Variants in RBFOX1 observed in about 807,000 individuals in gnomAD.
The protein encoded by RBFOX1 is RNA binding fox-1 homolog 1, also known as RNA binding protein fox-1 homolog 1.
A neutral mutation model predicts 57.7 loss-of-function variants in RBFOX1; 8 were observed. That is an observed-to-expected ratio of 0.14 (90% CI 0.08 to 0.25). The LOEUF (loss-of-function observed/expected upper bound fraction) is 0.25. RBFOX1 is among the 10% of genes least tolerant of loss of function. The probability of loss-of-function intolerance (pLI) is 1.00; values close to 1 mark genes in which losing one functional copy is unlikely to be tolerated. For missense variants in RBFOX1, 611 were observed against 548.5 expected (o/e 1.11, Z -1.14); for synonymous variants, 326 against 222.4 (o/e 1.47, Z -4.15).
In RBFOX1 at chr16:6,224,341, T is replaced by A. The variant is rs186586926; in HGVS notation, c.-126-92654T>A. The stretch of plus-strand genomic sequence containing the variant: ...TATTGATTCTTTCTAACCATGAGCA[T>A]GGAATGTTCTTCTGTTTGTATCCTT... On this transcript the variant is annotated intron_variant, in intron 1 of 15. Coordinates refer to ENST00000550418, the MANE Select transcript of RBFOX1 (RefSeq NM_018723.4). 1.5e-3 allele frequency among the ~76,000 whole-genome samples: 225 copies of A among 152,310 alleles called. 2 individuals are homozygous for A. Among genetic ancestry groups the A allele is most frequent in the Middle Eastern group, 3.4e-3 (1 of 294 alleles).
chr16:5,734,462 C>T (rs2052499409), intron 3 of RBFOX1, among the ~76,000 whole-genome samples: 2 of 152,188 alleles, frequency 1.3e-5, no homozygotes, highest in African/African-American at 2.4e-5. Flanking sequence ...AAAAACAGCA[C>T]ATGCTTTCAT....
intron 1 of RBFOX1, among the ~76,000 whole-genome samples, chr16:6,163,725 A>G (rs142648585): frequency 1.6e-3 from 244 of 152,324 alleles, no homozygotes; most frequent in African/African-American, 5.7e-3. Context: ...AGTGATTTGT[A>G]AAAATGCCAG....
chr16:7,300,393 A>T (rs1446454432), intron 4 of RBFOX1, among the ~76,000 whole-genome samples: 3 of 152,210 alleles, frequency 2.0e-5, no homozygotes, highest in African/African-American at 7.2e-5. Context: ...ACAGATAAAT[A>T]ATAAAGTTTT....
chr16:5,278,348 G>T (rs1416723427), intron 1 of RBFOX1, among the ~76,000 whole-genome samples: 2 of 152,136 alleles, frequency 1.3e-5, no homozygotes, highest in Non-Finnish European at 2.9e-5. Context: ...CTGTGCAGAA[G>T]CTCTTTCATT....
chr16:6,141,984 G>C (rs866876993), intron 1 of RBFOX1, among the ~76,000 whole-genome samples: 1 of 151,546 alleles, frequency 6.6e-6, no homozygotes, highest in African/African-American at 2.4e-5. Context: ...GTTTCAACCT[G>C]GGAGGTGGAG....
At chr16:5,297,399 C>G (rs921523585) in intron 1 of RBFOX1, among the ~76,000 whole-genome samples, 16 of 152,196 alleles carry the variant, frequency 1.1e-4, no homozygotes, top group African/African-American at 3.9e-4. Context: ...TCCTCACCAA[C>G]ACTTGTTATC....
chr16:5,772,153 C>A (rs553471090), intron 3 of RBFOX1, among the ~76,000 whole-genome samples: 1 of 152,126 alleles, frequency 6.6e-6, no homozygotes, highest in Non-Finnish European at 1.5e-5. Flanking sequence ...GCCTGGGTGA[C>A]AGAGCAAGAC....
intron 4 of RBFOX1, among the ~76,000 whole-genome samples, chr16:7,153,674 C>T (rs1051152116): frequency 6.8e-6 from 1 of 146,196 alleles, no homozygotes; most frequent in Non-Finnish European, 1.5e-5. Context: ...CGCTGGAACC[C>T]TGAAGTCGGA....
intron 4 of RBFOX1, among the ~76,000 whole-genome samples, chr16:7,466,797 TTA>T (rs2060601662): frequency 6.6e-6 from 1 of 152,204 alleles, no homozygotes; most frequent in Non-Finnish European, 1.5e-5. Context: ...GCTGCTCTGA[TTA>T]TATACACAAT....
intron 3 of RBFOX1, among the ~76,000 whole-genome samples, chr16:5,704,351 T>C (rs2051160405): frequency 6.6e-6 from 1 of 151,916 alleles, no homozygotes. Flanking sequence ...TGCTTATCTC[T>C]CAGAGAAGAG....
chr16:7,582,956 G>C (rs1016314536), intron 6 of RBFOX1, among the ~76,000 whole-genome samples: 1 of 152,018 alleles, frequency 6.6e-6, no homozygotes, highest in Non-Finnish European at 1.5e-5. Flanking sequence ...CTAATAATTC[G>C]ACCATACCAT....
chr16:5,655,213 G>T (rs2049386424), intron 3 of RBFOX1, among the ~76,000 whole-genome samples: 1 of 152,232 alleles, frequency 6.6e-6, no homozygotes, highest in Admixed American at 6.5e-5. Context: ...AGAATCTACT[G>T]TGGAAATCAG....
chr16:6,391,440 G>T (rs535370104), intron 2 of RBFOX1, among the ~76,000 whole-genome samples: 1 of 151,670 alleles, frequency 6.6e-6, no homozygotes, highest in South Asian at 2.1e-4. Flanking sequence ...AACCCGGGAG[G>T]TGGAGCTTGC....
chr16:7,065,942 C>G (rs1018749485), intron 4 of RBFOX1, among the ~76,000 whole-genome samples: 1 of 151,994 alleles, frequency 6.6e-6, no homozygotes, highest in Non-Finnish European at 1.5e-5. Flanking sequence ...TGTGTTTTTC[C>G]CCCACAGTAA....
chr16:6,639,241 G>A (rs1048716573), intron 2 of RBFOX1, among the ~76,000 whole-genome samples: 9 of 152,206 alleles, frequency 5.9e-5, no homozygotes, highest in African/African-American at 2.2e-4. Flanking sequence ...CCCATTGGAT[G>A]TCTTTCTGGA....
chr16:5,610,410 G>A (rs1417709851), intron 3 of RBFOX1: 4 of 152,260 alleles, frequency 2.6e-5, no homozygotes, highest in Non-Finnish European at 5.9e-5. Context: ...TGAGGCAAGG[G>A]AACTTCCCAA....
chr16:7,387,841 G>A (rs1420834334), intron 4 of RBFOX1, among the ~76,000 whole-genome samples: 1 of 151,870 alleles, frequency 6.6e-6, no homozygotes, highest in East Asian at 1.9e-4. Context: ...AAACGTCTCT[G>A]GAATTCTTTG....
At chr16:6,099,251 C>A (rs1292730345) in intron 1 of RBFOX1, among the ~76,000 whole-genome samples, 1 of 152,114 alleles carries the variant, frequency 6.6e-6, no homozygotes, top group South Asian at 2.1e-4. Context: ...GTGAGTTGAG[C>A]CATAAACATT....
chr16:6,140,485 T>G (rs1208453930), intron 1 of RBFOX1, among the ~76,000 whole-genome samples: 2 of 152,132 alleles, frequency 1.3e-5, no homozygotes, highest in African/African-American at 2.4e-5. Flanking sequence ...TGTGAGCCCC[T>G]GTGCCCAGCC....
Sources: allele counts gnomAD v4.1 joint callset (sites outside exome capture counted in the v4.1 genomes callset), GRCh38; gene constraint gnomAD v4.1.1; transcripts MANE v1.5; gene names NCBI Gene and HGNC (gene_info 2026-07-23, HGNC 2026-07-21).